PCDH9: variants seen among roughly 807,000 people sequenced by gnomAD.
The protein encoded by PCDH9 is protocadherin-9.
PCDH9 carries 24 observed loss-of-function variants against 70.6 expected under a neutral mutation model. The observed-to-expected ratio is 0.34, with a 90% confidence interval of 0.25 to 0.48. The LOEUF (loss-of-function observed/expected upper bound fraction) is 0.48, where lower values mean the gene tolerates loss of function less well. Among genes scored for constraint, PCDH9 ranks in the 20% least tolerant of loss-of-function variants. The pLI, the probability that PCDH9 is intolerant of heterozygous loss-of-function variation, is 0.99. For synonymous variants in PCDH9, 562 were observed against 558.5 expected (o/e 1.01, Z -0.09); for missense variants, 1,281 against 1,503.6 (o/e 0.85, Z 2.45).
At chr13:66,978,013 C>T (rs1363350440) in intron 2 of PCDH9, among the ~76,000 whole-genome samples, 3 of 152,126 alleles carry the variant, frequency 2.0e-5, no homozygotes, top group Admixed American at 6.6e-5. Context: ...TCCCTTAAAA[C>T]ACTTTAAAGC....
At chr13:66,438,882 C>T (rs1255819000) in intron 4 of PCDH9, among the ~76,000 whole-genome samples, 1 of 152,104 alleles carries the variant, frequency 6.6e-6, no homozygotes, top group East Asian at 1.9e-4. Flanking sequence ...AGCACTGAAG[C>T]CAACTCAGTA....
intron 2 of PCDH9, among the ~76,000 whole-genome samples, chr13:67,083,991 A>C (rs544593711): frequency 7.1e-4 from 108 of 152,098 alleles, no homozygotes; most frequent in Non-Finnish European, 1.1e-3. Context: ...AGAGATCACC[A>C]CTCTTAGGGG....
chr13:67,216,813 C>T (rs1483450366), intron 2 of PCDH9: 1 of 150,444 alleles, frequency 6.6e-6, no homozygotes, highest in Non-Finnish European at 1.5e-5. Flanking sequence ...GAATATAGTC[C>T]ACCTAGTGAA....
chr13:66,876,825 A>G (rs2081820330), intron 3 of PCDH9: 1 of 152,128 alleles, frequency 6.6e-6, no homozygotes, highest in Admixed American at 6.5e-5. Flanking sequence ...ATATGGCGAT[A>G]TTTTTCAATG....
intron 4 of PCDH9, among the ~76,000 whole-genome samples, chr13:66,428,601 T>A (rs1342834582): frequency 6.6e-6 from 1 of 151,772 alleles, no homozygotes; most frequent in Non-Finnish European, 1.5e-5. Context: ...AGCATCCTTA[T>A]TTATAAATCA....
rs71677008 is a variant in PCDH9, at chr13:66,559,817, A to AAAATAT, written c.3340+71392_3340+71393insATATTT. Among the ~76,000 whole-genome samples the AAAATAT allele has an allele frequency of 2.7e-3, 247 of 93,028 alleles. 8 individuals are homozygous for AAAATAT. The highest frequency in any genetic ancestry group is 9.3e-3 in the African/African-American group (211 of 22,730). The allele number at this position is 93,028 out of a possible 152,430, so 61.0% of individuals were successfully genotyped here. A position where few individuals can be genotyped will look rare whatever the true frequency, so the allele number is the denominator to read the frequency against. On this transcript the variant is annotated intron_variant, in intron 4 of 4. Transcript: ENST00000377865. The stretch of plus-strand genomic sequence containing the variant: ...TCCATCTCAAAAAAAAAAAAAAAAA[A>AAAATAT]ATATATATATATATATACACACACA...
In PCDH9 at chr13:66,561,164, C is replaced by T. The variant is rs190763134; in HGVS notation, c.3340+70046G>A. 6.4e-4 allele frequency among the ~76,000 whole-genome samples: 97 copies of T among 152,312 alleles called. No individual in the cohort carries two copies. In the East Asian group the frequency reaches 0.018, roughly 28 times the overall value. On this transcript the variant is annotated intron_variant, in intron 4 of 4. Transcript: ENST00000377865. ...GGGCAGGCCCCGCACTCGGAGCGGC[C>T]GGCTGGCCCCGCCACCGGGGCAGTG...
chr13:66,929,542 T>A (rs2082772392), intron 2 of PCDH9, among the ~76,000 whole-genome samples: 1 of 152,120 alleles, frequency 6.6e-6, no homozygotes, highest in African/African-American at 2.4e-5. Flanking sequence ...CAGGGTGGTC[T>A]TGAACTCCAG....
At chr13:66,919,147 T>C (rs1290393622) in intron 2 of PCDH9, among the ~76,000 whole-genome samples, 3 of 151,282 alleles carry the variant, frequency 2.0e-5, no homozygotes, top group African/African-American at 7.3e-5. Flanking sequence ...AGTATTTCTC[T>C]GGGGAACTTC....
At chr13:66,739,595 C>A (rs2079220852) in intron 3 of PCDH9, among the ~76,000 whole-genome samples, 1 of 148,282 alleles carries the variant, frequency 6.7e-6, no homozygotes, top group African/African-American at 2.5e-5. Flanking sequence ...TTCAGGAATC[C>A]CATCTCACGT....
intron 2 of PCDH9, among the ~76,000 whole-genome samples, chr13:67,129,605 C>G (rs2087060867): frequency 6.7e-6 from 1 of 149,460 alleles, no homozygotes; most frequent in African/African-American, 2.5e-5. Context: ...ATATACTCTT[C>G]TCTAGAATCA....
chr13:66,884,088 T>C (rs2081968399), intron 3 of PCDH9, among the ~76,000 whole-genome samples: 1 of 151,620 alleles, frequency 6.6e-6, no homozygotes. Context: ...TTAGTAGAGA[T>C]GGTTTCACTG....
At chr13:67,033,263 C>A (rs924512567) in intron 2 of PCDH9, among the ~76,000 whole-genome samples, 2 of 152,020 alleles carry the variant, frequency 1.3e-5, no homozygotes, top group Non-Finnish European at 2.9e-5. Context: ...CTCTGGGTCA[C>A]TGCAGAGAAA....
At chr13:67,129,771 A>G (rs1393136390) in intron 2 of PCDH9, among the ~76,000 whole-genome samples, 1 of 152,046 alleles carries the variant, frequency 6.6e-6, no homozygotes, top group African/African-American at 2.4e-5. Context: ...ACTACTACAA[A>G]ATAAGTGAAT....
chr13:66,957,688 T>TC (rs1190170920), intron 2 of PCDH9, among the ~76,000 whole-genome samples: 4 of 152,088 alleles, frequency 2.6e-5, no homozygotes, highest in African/African-American at 9.7e-5. Flanking sequence ...TCTCTTTCTC[T>TC]CTCTCACTCA....
At chr13:66,869,275 C>T (rs1379330922) in intron 3 of PCDH9, among the ~76,000 whole-genome samples, 1 of 152,042 alleles carries the variant, frequency 6.6e-6, no homozygotes, top group Non-Finnish European at 1.5e-5. Flanking sequence ...TAATAGTGTC[C>T]TTGCATTAAA....
At position 66,474,323 on chromosome 13, in the gene PCDH9, G is replaced by C. The variant is rs994402595; in HGVS notation, c.3340+156887C>G. Among the ~76,000 whole-genome samples the C allele has an allele frequency of 7.2e-5, 11 of 152,052 alleles. 1 individual carries two copies. Among genetic ancestry groups the C allele is most frequent in the Non-Finnish European group, 1.5e-5 (1 of 67,962 alleles). ...GGTTTATACTGCTATCTGTTTTGAAGGCAGGAATTTCAATGGATAAAATGA... is the reference window on the plus strand; with the variant it reads ...GGTTTATACTGCTATCTGTTTTGAACGCAGGAATTTCAATGGATAAAATGA... On this transcript the variant is annotated intron_variant, in intron 4 of 4. Transcript: ENST00000377865.
At chr13:67,222,815 G>A (rs1410730902) in intron 2 of PCDH9, 1 of 152,062 alleles carries the variant, frequency 6.6e-6, no homozygotes, top group Non-Finnish European at 1.5e-5. Context: ...TTACTTTTTA[G>A]CTTAACTAGA....
At chr13:66,641,368 T>C (rs2077706323) in intron 3 of PCDH9, among the ~76,000 whole-genome samples, 1 of 152,184 alleles carries the variant, frequency 6.6e-6, no homozygotes, top group Non-Finnish European at 1.5e-5. Flanking sequence ...AAGAACTTGA[T>C]CCTCTTCAGT....
Sources: gnomAD v4.1 joint callset for allele counts (sites outside exome capture counted in the v4.1 genomes callset) on GRCh38, gnomAD v4.1.1 for gene constraint, MANE v1.5 for transcripts, NCBI Gene and HGNC (gene_info 2026-07-23, HGNC 2026-07-21) for gene names.